The following PTPRG variants were observed in gnomAD, a reference collection of about 807,000 sequenced individuals.
PTPRG encodes receptor-type tyrosine-protein phosphatase gamma.
In PTPRG, 102 loss-of-function variants were observed where a neutral mutation model predicts 165.3. The observed-to-expected ratio is 0.62, with a 90% CI of 0.53 to 0.73. The LOEUF (loss-of-function observed/expected upper bound fraction) is 0.73. Ranked by LOEUF, PTPRG falls within the 30% of genes least tolerant of loss-of-function variation. The pLI is 0.00. For synonymous variants in PTPRG, 675 were observed against 669.5 expected, an observed-to-expected ratio of 1.01 and a Z score of -0.13; for missense variants, 1,866 against 1,861.4, an observed-to-expected ratio of 1.00 and a Z score of -0.05.
chr3:61,626,481 A>T (rs867691851), intron 1 of PTPRG, among the ~76,000 whole-genome samples: 1 of 152,206 alleles, frequency 6.6e-6, no homozygotes, highest in Non-Finnish European at 1.5e-5. Flanking sequence ...GGTGACTTGA[A>T]TGTTGTCTTT....
At chr3:61,894,930 T>G (rs914098648) in intron 2 of PTPRG, among the ~76,000 whole-genome samples, 6 of 152,110 alleles carry the variant, frequency 3.9e-5, no homozygotes, top group African/African-American at 1.4e-4. Context: ...TCAGCACCAT[T>G]GATATTTGGG....
intron 2 of PTPRG, among the ~76,000 whole-genome samples, chr3:61,913,755 TGG>T (rs1184879488): frequency 6.6e-6 from 1 of 152,246 alleles, no homozygotes; most frequent in Non-Finnish European, 1.5e-5. Flanking sequence ...TCTGCACCCA[TGG>T]CTGGATGAGC....
intron 7 of PTPRG, among the ~76,000 whole-genome samples, chr3:62,157,996 A>T (rs561420884): frequency 6.6e-6 from 1 of 152,326 alleles, no homozygotes; most frequent in African/African-American, 2.4e-5. Flanking sequence ...GATGAAGCCA[A>T]AAACTAAGCC....
intron 2 of PTPRG, among the ~76,000 whole-genome samples, chr3:61,886,561 C>T (rs1448145951): frequency 6.6e-6 from 1 of 152,058 alleles, no homozygotes; most frequent in Non-Finnish European, 1.5e-5. Context: ...CCCGCCCTGC[C>T]CCTTGCCACC....
At chr3:61,667,135 C>T (rs1233549214) in intron 1 of PTPRG, among the ~76,000 whole-genome samples, 1 of 152,154 alleles carries the variant, frequency 6.6e-6, no homozygotes, top group Non-Finnish European at 1.5e-5. Flanking sequence ...GAAATGGTCT[C>T]CAGTGACCCC....
chr3:61,730,575 A>G (rs745654759), intron 1 of PTPRG, among the ~76,000 whole-genome samples: 11 of 152,180 alleles, frequency 7.2e-5, no homozygotes, highest in Non-Finnish European at 1.3e-4. Flanking sequence ...CTCAAGCCTC[A>G]CAGTAGTCCA....
intron 4 of PTPRG, among the ~76,000 whole-genome samples, chr3:62,021,153 C>G (rs535591088): frequency 6.6e-6 from 1 of 152,300 alleles, no homozygotes; most frequent in East Asian, 1.9e-4. Context: ...GGGAATTAAA[C>G]TGTAATACTT....
chr3:62,180,055 G>A (rs967280754), intron 8 of PTPRG, among the ~76,000 whole-genome samples: 1 of 152,202 alleles, frequency 6.6e-6, no homozygotes, highest in Non-Finnish European at 1.5e-5. Context: ...CAGACTACCT[G>A]TTTCCAAGAG....
At chr3:61,671,576 T>A (rs1379056029) in intron 1 of PTPRG, among the ~76,000 whole-genome samples, 1 of 147,928 alleles carries the variant, frequency 6.8e-6, no homozygotes, top group East Asian at 2.0e-4. Flanking sequence ...GATTTCTCAA[T>A]CTTTTCCCCA....
intron 2 of PTPRG, among the ~76,000 whole-genome samples, chr3:61,813,171 T>C (rs2035640669): frequency 6.6e-6 from 1 of 151,346 alleles, no homozygotes; most frequent in South Asian, 2.1e-4. Flanking sequence ...TCTGAGGCTG[T>C]AGAAAGAGTA....
At chr3:62,286,842 CTCGATGAGCATTCTTTA>C (rs1702682582) in intron 28 of PTPRG, among the ~76,000 whole-genome samples, 1 of 152,114 alleles carries the variant, frequency 6.6e-6, no homozygotes, top group African/African-American at 2.4e-5. Context: ...ATCCATGAAA[CTCGATGAGCATTCTTTA>C]ATCCCACTTA....
intron 8 of PTPRG, among the ~76,000 whole-genome samples, chr3:62,189,676 GCCCCTCCTCACAGGC>G (rs1471499527): frequency 6.6e-6 from 1 of 152,070 alleles, no homozygotes; most frequent in African/African-American, 2.4e-5. Context: ...GGCCATTGCC[GCCCCTCCTCACAGGC>G]CCCCTCCTCC....
intron 6 of PTPRG, among the ~76,000 whole-genome samples, chr3:62,144,956 G>T (rs1432217448): frequency 6.6e-6 from 1 of 151,936 alleles, no homozygotes; most frequent in Non-Finnish European, 1.5e-5. Flanking sequence ...AGGATTATGG[G>T]AACCCAGGGA....
At chr3:61,875,297 CA>C (rs2037703585) in intron 2 of PTPRG, among the ~76,000 whole-genome samples, 1 of 152,160 alleles carries the variant, frequency 6.6e-6, no homozygotes, top group African/African-American at 2.4e-5. Context: ...TGATACCATT[CA>C]AGGAGCTGTT....
chr3:61,735,950 C>CA (rs1431558892), intron 1 of PTPRG, among the ~76,000 whole-genome samples: 1 of 151,638 alleles, frequency 6.6e-6, no homozygotes, highest in African/African-American at 2.4e-5. Flanking sequence ...CTCTGTTGCC[C>CA]AGGCTGGAGC....
intron 1 of PTPRG, among the ~76,000 whole-genome samples, chr3:61,700,150 C>G (rs1575597267): frequency 6.6e-6 from 1 of 152,058 alleles, no homozygotes. Context: ...TCTCTGTACC[C>G]CCTAAGGATT....
chr3:61,955,575 A>G (rs1003095319), intron 2 of PTPRG, among the ~76,000 whole-genome samples: 2 of 152,214 alleles, frequency 1.3e-5, no homozygotes, highest in African/African-American at 4.8e-5. Context: ...ATCCTGAGCA[A>G]TATAGATACC....
intron 1 of PTPRG, among the ~76,000 whole-genome samples, chr3:61,727,638 T>C (rs1363435240): frequency 1.3e-5 from 2 of 152,248 alleles, no homozygotes; most frequent in South Asian, 2.1e-4. Flanking sequence ...CACTGGTTAA[T>C]GTCCTACAGG....
chr3:62,038,794 T>C (rs1575922962), intron 4 of PTPRG, among the ~76,000 whole-genome samples: 2 of 152,130 alleles, frequency 1.3e-5, no homozygotes, highest in Admixed American at 6.6e-5. Context: ...TTTTCCAACT[T>C]CCTCTATTTT....
Sources: allele counts gnomAD v4.1 joint callset (sites outside exome capture counted in the v4.1 genomes callset), GRCh38; gene constraint gnomAD v4.1.1; transcripts MANE v1.5; gene names NCBI Gene and HGNC (gene_info 2026-07-23, HGNC 2026-07-21).